The following PLEKHA7 variants were observed in gnomAD, a reference collection of about 807,000 sequenced individuals.
The protein encoded by PLEKHA7 is pleckstrin homology domain-containing family A member 7.
A neutral mutation model predicts 170.0 loss-of-function variants in PLEKHA7; 104 were observed. That is an observed-to-expected ratio of 0.61 (90% CI 0.52 to 0.72). The LOEUF (loss-of-function observed/expected upper bound fraction) is 0.72, where lower values mean the gene tolerates loss of function less well. Ranked by LOEUF, PLEKHA7 falls within the 30% of genes least tolerant of loss-of-function variation. The pLI, the probability that PLEKHA7 is intolerant of heterozygous loss-of-function variation, is 0.00. For missense variants in PLEKHA7, 1,615 were observed against 1,671.7 expected (o/e 0.97, Z 0.59); for synonymous variants, 648 against 660.8 (o/e 0.98, Z 0.30).
chr11:16,872,389 A>T (rs1355464972), intron 3 of PLEKHA7, among the ~76,000 whole-genome samples: 1 of 152,222 alleles, frequency 6.6e-6, no homozygotes, highest in Non-Finnish European at 1.5e-5. Flanking sequence ...GAATCACTTT[A>T]GGCTATTGAG....
chr11:16,965,350 T>C (rs1000246521), intron 3 of PLEKHA7, among the ~76,000 whole-genome samples: 3 of 151,974 alleles, frequency 2.0e-5, no homozygotes, highest in African/African-American at 7.3e-5. Context: ...TGAAGACCCC[T>C]ATCTTAGACC....
At chr11:16,932,702 CA>C (rs1386807533) in intron 3 of PLEKHA7, among the ~76,000 whole-genome samples, 1 of 152,162 alleles carries the variant, frequency 6.6e-6, no homozygotes, top group Non-Finnish European at 1.5e-5. Context: ...AATAAGCAAA[CA>C]AAATATTTCA....
chr11:16,889,997 T>A (rs1346004801), intron 3 of PLEKHA7, among the ~76,000 whole-genome samples: 1 of 152,158 alleles, frequency 6.6e-6, no homozygotes, highest in Non-Finnish European at 1.5e-5. Context: ...GGGTTCTATT[T>A]CCAGTCTTCT....
At position 16,782,972 on chromosome 11, in the gene PLEKHA7, CCTAGAGGTT is replaced by C; in HGVS notation, c.3651-85_3651-77del. 3 of 1,446,262 alleles carry C rather than the reference CCTAGAGGTT, an allele frequency of 2.1e-6. No individual in the cohort carries two copies. The East Asian group carries it at 7.5e-5, about 36-fold the overall frequency. The allele number at this position is 1,446,262 out of a possible 1,614,324, so 89.6% of individuals were successfully genotyped here. A position where few individuals can be genotyped will look rare whatever the true frequency, so the allele number is the denominator to read the frequency against. On this transcript the variant is annotated intron_variant, in intron 25 of 26. Coordinates refer to ENST00000531066, the MANE Select transcript of PLEKHA7 (RefSeq NM_001329630.2). ...CCTCAGGAGTGGAGGGTCTCCCTGG[CCTAGAGGTT>C]CTCAACATTTTGAGGGGGATCAGAC...
intron 3 of PLEKHA7, among the ~76,000 whole-genome samples, chr11:16,892,406 T>TTGTGTG (rs58762762): frequency 6.6e-5 from 9 of 136,810 alleles, no homozygotes; most frequent in Middle Eastern, 3.4e-3. Context: ...TTGTTTTATT[T>TTGTGTG]TGTGTGTGTG....
chr11:16,970,555 T>A (rs1862646534), intron 3 of PLEKHA7, among the ~76,000 whole-genome samples: 1 of 151,910 alleles, frequency 6.6e-6, no homozygotes, highest in South Asian at 2.1e-4. Context: ...TAGTCCCAGA[T>A]ACTACGGAGG....
intron 3 of PLEKHA7, among the ~76,000 whole-genome samples, chr11:16,909,970 T>C (rs1858131990): frequency 6.6e-6 from 1 of 152,114 alleles, no homozygotes; most frequent in African/African-American, 2.4e-5. Context: ...CCTAAAGAGA[T>C]ACGGCAATGG....
At chr11:16,900,304 C>G (rs1857251245) in intron 3 of PLEKHA7, among the ~76,000 whole-genome samples, 2 of 152,152 alleles carry the variant, frequency 1.3e-5, no homozygotes. Context: ...CTTCACTGAT[C>G]CATAAATCTT....
intron 3 of PLEKHA7, among the ~76,000 whole-genome samples, chr11:16,927,648 T>C (rs2136301839): frequency 6.6e-6 from 1 of 152,364 alleles, no homozygotes; most frequent in East Asian, 1.9e-4. Context: ...GAAGACACTT[T>C]GAAGGAAGCA....
At position 16,777,802 on chromosome 11, in the gene PLEKHA7, A is replaced by C. The variant is rs1175327599; in HGVS notation, c.*1196T>G. The stretch of plus-strand genomic sequence containing the variant: ...TGCTGCCCTCCTGCCACCAGACCTG[A>C]GTCCCAGGGAAGCCAATCCGGGGTT... On this transcript the variant is annotated 3_prime_UTR_variant, in exon 27 of 27. Coordinates refer to ENST00000531066, the MANE Select transcript of PLEKHA7 (RefSeq NM_001329630.2). 6.6e-6 allele frequency: 1 copy of C among 152,218 alleles called. No homozygotes were observed. The highest frequency in any genetic ancestry group is 1.9e-4 in the East Asian group (1 of 5,202). 9.4% of individuals were successfully genotyped at this position (152,218 alleles called of 1,614,324 possible).
chr11:16,977,378 C>T (rs61881286), intron 3 of PLEKHA7, among the ~76,000 whole-genome samples: 2,030 of 152,240 alleles, frequency 0.013, 32 homozygotes, highest in Non-Finnish European at 0.018. Context: ...ATTGCTCACA[C>T]GTCTCCCTCC....
intron 4 of PLEKHA7, among the ~76,000 whole-genome samples, chr11:16,863,631 C>T (rs1489415288): frequency 6.6e-6 from 1 of 152,164 alleles, no homozygotes; most frequent in South Asian, 2.1e-4. Flanking sequence ...TGCTCGGGAA[C>T]GCTTCTCTCC....
chr11:16,997,372 T>C (rs1408906574), intron 3 of PLEKHA7, among the ~76,000 whole-genome samples: 1 of 152,184 alleles, frequency 6.6e-6, no homozygotes, highest in Non-Finnish European at 1.5e-5. Flanking sequence ...TGCCAAACCC[T>C]TCCACTGTGA....
intron 3 of PLEKHA7, among the ~76,000 whole-genome samples, chr11:16,986,294 G>C (rs958391790): frequency 7.9e-5 from 12 of 152,208 alleles, no homozygotes; most frequent in Non-Finnish European, 1.5e-4. Flanking sequence ...GCAGATATGA[G>C]TTGGTGACAG....
intron 19 of PLEKHA7, among the ~76,000 whole-genome samples, chr11:16,793,866 A>C (rs1379871423): frequency 6.6e-6 from 1 of 152,274 alleles, no homozygotes; most frequent in East Asian, 1.9e-4. Flanking sequence ...CAGATGGCAC[A>C]GAATAAAAGA....
chr11:16,810,049 G>A (rs1849257749), intron 13 of PLEKHA7, among the ~76,000 whole-genome samples: 1 of 152,210 alleles, frequency 6.6e-6, no homozygotes, highest in Admixed American at 6.5e-5. Context: ...CCGTGTGGAG[G>A]CAGCCCTTGT....
intron 17 of PLEKHA7, among the ~76,000 whole-genome samples, chr11:16,796,141 G>C (rs1848217551): frequency 6.6e-6 from 1 of 152,114 alleles, no homozygotes; most frequent in Non-Finnish European, 1.5e-5. Context: ...TTACAGGCGT[G>C]AGCCACTGCA....
chr11:16,889,249 C>G (rs187262174), intron 3 of PLEKHA7, among the ~76,000 whole-genome samples: 269 of 151,788 alleles, frequency 1.8e-3, no homozygotes, highest in African/African-American at 6.0e-3. Context: ...TTGTGACCTC[C>G]TCCTCTGCTA....
intron 11 of PLEKHA7, 129 bp from the exon 12 acceptor site, chr11:16,816,393 T>C (rs934902624): frequency 1.4e-6 from 1 of 695,162 alleles, no homozygotes. Flanking sequence ...ACACACATCT[T>C]ACTCTCAGGG....
Sources: gnomAD v4.1 joint callset for allele counts (sites outside exome capture counted in the v4.1 genomes callset) on GRCh38, gnomAD v4.1.1 for gene constraint, MANE v1.5 for transcripts, NCBI Gene and HGNC (gene_info 2026-07-23, HGNC 2026-07-21) for gene names.